The following SOX6 variants were observed in gnomAD, a reference collection of about 807,000 sequenced individuals.
SOX6 encodes the protein transcription factor SOX-6.
A neutral mutation model predicts 97.8 loss-of-function variants in SOX6; 11 were observed. The ratio of observed to expected loss-of-function variants is 0.11; its 90% confidence interval spans 0.07 to 0.19. The LOEUF is 0.19. Ranked by LOEUF, SOX6 falls within the 10% of genes least tolerant of loss-of-function variation. The pLI is 1.00. For synonymous variants in SOX6, 360 were observed against 371.4 expected (o/e 0.97, Z 0.35); for missense variants, 810 against 1,039.5 (o/e 0.78, Z 3.04).
At chr11:16,379,027 G>A (rs565597413) in intron 1 of SOX6, among the ~76,000 whole-genome samples, 45 of 152,124 alleles carry the variant, frequency 3.0e-4, no homozygotes, top group Non-Finnish European at 5.9e-4. Context: ...TAAGGAAACT[G>A]AGACACTGAG....
intron 1 of SOX6, among the ~76,000 whole-genome samples, chr11:16,348,128 C>T (rs961072007): frequency 6.6e-6 from 1 of 152,148 alleles, no homozygotes; most frequent in African/African-American, 2.4e-5. Context: ...TTCAGTTTGT[C>T]TACTTAATGA....
intron 4 of SOX6, among the ~76,000 whole-genome samples, chr11:16,573,315 CAG>C (rs2133200364): frequency 6.6e-6 from 1 of 152,244 alleles, no homozygotes; most frequent in African/African-American, 2.4e-5. Flanking sequence ...ATGATAATGA[CAG>C]AATAAATTAT....
At chr11:16,477,453 T>A (rs1254286066), upstream of SOX6, among the ~76,000 whole-genome samples, 2 of 152,160 alleles carry the variant, frequency 1.3e-5, no homozygotes, top group Non-Finnish European at 2.9e-5. Context: ...CATCTGAAAT[T>A]AAGATGAATA....
intron 3 of SOX6, among the ~76,000 whole-genome samples, chr11:16,705,498 G>A (rs920452323): frequency 6.6e-5 from 10 of 151,766 alleles, no homozygotes; most frequent in Non-Finnish European, 8.8e-5. Flanking sequence ...ATAGTGGCAT[G>A]TACCTGTGGT....
At chr11:16,335,873 A>G (rs1856444598) in intron 2 of SOX6, among the ~76,000 whole-genome samples, 5 of 152,176 alleles carry the variant, frequency 3.3e-5, no homozygotes, top group Admixed American at 3.3e-4. Context: ...TGTTTTCCCC[A>G]ATAGTTATTT....
chr11:15,987,177 A>C (rs1455943452), intron 14 of SOX6, among the ~76,000 whole-genome samples: 1 of 152,358 alleles, frequency 6.6e-6, no homozygotes, highest in African/African-American at 2.4e-5. Context: ...CATGTATCAA[A>C]TTGCATTTTT....
rs373912529 is a variant in SOX6, at chr11:16,132,294, G to A, written c.778-20371C>T. On this transcript the variant is annotated intron_variant, in intron 6 of 15. Coordinates refer to ENST00000683767, the MANE Select transcript of SOX6 (RefSeq NM_001367873.1). ...AGGAAGGAAGGAAGGAAGGAAGGAA[G>A]GAAGGAAGGAAGGAAGGAAGGAAGG... Among the ~76,000 whole-genome samples, 72 of 95,182 alleles carry A rather than the reference G, an allele frequency of 7.6e-4. 2 individuals carry two copies. The highest frequency in any genetic ancestry group is 2.8e-3 in the African/African-American group (68 of 23,884). The allele number at this position is 95,182 out of a possible 152,430, so 62.4% of individuals were successfully genotyped here.
At chr11:16,536,319 A>G (rs1469699466) in intron 4 of SOX6, among the ~76,000 whole-genome samples, 1 of 152,224 alleles carries the variant, frequency 6.6e-6, no homozygotes, top group Non-Finnish European at 1.5e-5. Context: ...AAATAATGGT[A>G]TAAATCAAGG....
chr11:16,384,767 GA>G (rs924424745), intron 1 of SOX6, among the ~76,000 whole-genome samples: 1 of 151,806 alleles, frequency 6.6e-6, no homozygotes, highest in African/African-American at 2.4e-5. Flanking sequence ...TGAACAACGG[GA>G]AAAAAAGAAT....
chr11:16,308,119 A>G (rs942854229), intron 3 of SOX6, among the ~76,000 whole-genome samples: 5 of 152,224 alleles, frequency 3.3e-5, no homozygotes, highest in Non-Finnish European at 7.3e-5. Context: ...TCACTGGACA[A>G]TGACAGTTTC....
At chr11:16,563,704 G>A (rs1035129235) in intron 4 of SOX6, among the ~76,000 whole-genome samples, 1 of 152,030 alleles carries the variant, frequency 6.6e-6, no homozygotes, top group Admixed American at 6.6e-5. Context: ...GTACTCAAAG[G>A]AATAATAATT....
At chr11:16,394,655 T>A (rs1019922175) in intron 1 of SOX6, among the ~76,000 whole-genome samples, 1 of 152,028 alleles carries the variant, frequency 6.6e-6, no homozygotes, top group African/African-American at 2.4e-5. Context: ...CTGGCAACAC[T>A]ATGAATATTT....
intron 3 of SOX6, among the ~76,000 whole-genome samples, chr11:16,624,841 T>C (rs757724952): frequency 2.6e-5 from 4 of 152,206 alleles, no homozygotes; most frequent in Non-Finnish European, 4.4e-5. Context: ...TTCTAGAGGA[T>C]GTGTTTTAGT....
chr11:16,664,869 G>A (rs1847795256), intron 3 of SOX6, among the ~76,000 whole-genome samples: 1 of 151,866 alleles, frequency 6.6e-6, no homozygotes, highest in Non-Finnish European at 1.5e-5. Flanking sequence ...AGTCACAGTA[G>A]GATAGGGCAG....
At chr11:16,671,862 G>A (rs1240507412) in intron 3 of SOX6, among the ~76,000 whole-genome samples, 2 of 152,174 alleles carry the variant, frequency 1.3e-5, no homozygotes, top group Non-Finnish European at 2.9e-5. Context: ...ATTTTCCAAG[G>A]TTGAAATGAA....
At chr11:15,984,305 T>C (rs1853758768) in intron 15 of SOX6, among the ~76,000 whole-genome samples, 1 of 152,186 alleles carries the variant, frequency 6.6e-6, no homozygotes, top group South Asian at 2.1e-4. Flanking sequence ...CTGCAACTCA[T>C]ATTTTCAAAT....
intron 1 of SOX6, among the ~76,000 whole-genome samples, chr11:16,470,583 C>T (rs1470099298): frequency 6.6e-6 from 1 of 152,064 alleles, no homozygotes; most frequent in Non-Finnish European, 1.5e-5. Context: ...GTGGTAGAAG[C>T]GTCTCTACAA....
chr11:16,452,852 A>T (rs1375139425), intron 1 of SOX6, among the ~76,000 whole-genome samples: 1 of 152,160 alleles, frequency 6.6e-6, no homozygotes, highest in East Asian at 1.9e-4. Flanking sequence ...AATGGAGAAT[A>T]TGGCTATATT....
At chr11:16,034,027 G>A (rs562554221) in intron 12 of SOX6, among the ~76,000 whole-genome samples, 32 of 152,286 alleles carry the variant, frequency 2.1e-4, no homozygotes, top group Middle Eastern at 3.4e-3. Flanking sequence ...TCACTAAAAT[G>A]TTTCTTTGAA....
Sources: gnomAD v4.1 joint callset for allele counts (sites outside exome capture counted in the v4.1 genomes callset) on GRCh38, gnomAD v4.1.1 for gene constraint, MANE v1.5 for transcripts, NCBI Gene and HGNC (gene_info 2026-07-23, HGNC 2026-07-21) for gene names.